PRR11: variants seen among roughly 807,000 people sequenced by gnomAD.
The protein encoded by PRR11 is proline-rich protein 11.
A neutral mutation model predicts 45.6 loss-of-function variants in PRR11; 30 were observed. The ratio of observed to expected loss-of-function variants is 0.66; its 90% CI spans 0.49 to 0.89. The LOEUF is 0.89. PRR11 is among the 40% of genes least tolerant of loss of function. PRR11 has a pLI of 0.00. For synonymous variants in PRR11, 128 were observed against 153.5 expected (o/e 0.83, Z 1.23); for missense variants, 373 against 424.8 (o/e 0.88, Z 1.07).
chr17:59,172,779 G>A lies in PRR11; in HGVS notation c.128+2899G>A, dbSNP rs145113803. 9.6e-3 allele frequency among the ~76,000 whole-genome samples: 1,466 copies of A among 152,350 alleles called. 18 individuals carry two copies. The highest frequency in any genetic ancestry group is 0.027 in the South Asian group (128 of 4,830). ...CCCCGTGGGGCAGGGCTCGGGACCT[G>A]CAGCCCGCCATGCCTGAGTCTTCCC... is the stretch of plus-strand genomic sequence containing the variant. On this transcript the variant is annotated intron_variant, in intron 2 of 9. Transcript: ENST00000262293.
In PRR11 at chr17:59,179,816, G is replaced by C. The variant is rs964583088; in HGVS notation, c.129-5238G>C. On this transcript the variant is annotated intron_variant, in intron 2 of 9. Transcript: ENST00000262293. ...CTCCGATGACTCCTCAGATTCGTCCGACCACTCCCTCTTCCTTTTCCAGCA... is the reference window on the plus strand; with the variant it reads ...CTCCGATGACTCCTCAGATTCGTCCCACCACTCCCTCTTCCTTTTCCAGCA... The C allele has an allele frequency of 6.4e-5, 86 of 1,352,524 alleles. 1 individual carries two copies. The highest frequency in any genetic ancestry group is 7.8e-5 in the Non-Finnish European group (75 of 965,382). The allele number at this position is 1,352,524 out of a possible 1,614,324, so 83.8% of individuals were successfully genotyped here.
intron 4 of PRR11, among the ~76,000 whole-genome samples, chr17:59,186,261 A>G (rs2046813445): frequency 6.7e-6 from 1 of 150,250 alleles, no homozygotes; most frequent in African/African-American, 2.4e-5. Flanking sequence ...TATTGCACCC[A>G]CCTAGGATGG....
At chr17:59,193,138 T>G (rs1268217371) in intron 4 of PRR11, among the ~76,000 whole-genome samples, 1 of 152,168 alleles carries the variant, frequency 6.6e-6, no homozygotes, top group Non-Finnish European at 1.5e-5. Flanking sequence ...CTCGAACTCC[T>G]GGGCTCAAGC....
chr17:59,176,684 CTTTTTTTTTTTT>C (rs71367676), intron 2 of PRR11, among the ~76,000 whole-genome samples: 7 of 39,004 alleles, frequency 1.8e-4, no homozygotes, highest in Admixed American at 1.3e-3. Context: ...GTTTTTTTGG[CTTTTTTTTTTTT>C]TTTTTTTTTT....
intron 4 of PRR11, among the ~76,000 whole-genome samples, chr17:59,191,649 C>G (rs1000079762): frequency 1.3e-5 from 2 of 152,070 alleles, no homozygotes; most frequent in Non-Finnish European, 2.9e-5. Flanking sequence ...CTCATGGTAC[C>G]CAGTAGGCCT....
chr17:59,178,446 A>G (rs1483786883), intron 2 of PRR11: 4 of 502,500 alleles, frequency 8.0e-6, no homozygotes, highest in Non-Finnish European at 1.6e-5. Flanking sequence ...TGAAGCAGGA[A>G]CACGGTTCCG....
intron 2 of PRR11, among the ~76,000 whole-genome samples, chr17:59,172,237 G>T (rs544760549): frequency 6.6e-6 from 1 of 152,206 alleles, no homozygotes; most frequent in African/African-American, 2.4e-5. Context: ...GGACCTCCAG[G>T]TTCCGCCCCA....
intron 2 of PRR11, among the ~76,000 whole-genome samples, chr17:59,170,984 G>C (rs1312371235): frequency 2.0e-5 from 3 of 152,174 alleles, no homozygotes; most frequent in Non-Finnish European, 2.9e-5. Context: ...ACACGGCCAG[G>C]CGCGGTGGCT....
intron 1 of PRR11, among the ~76,000 whole-genome samples, chr17:59,165,863 C>T (rs1414313458): frequency 6.6e-6 from 1 of 152,032 alleles, no homozygotes; most frequent in African/African-American, 2.4e-5. Flanking sequence ...ATCCCTGCTT[C>T]ACCTTCCTTC....
At chr17:59,196,185 C>T (rs781272228) in intron 7 of PRR11, among the ~76,000 whole-genome samples, 1 of 150,080 alleles carries the variant, frequency 6.7e-6, no homozygotes, top group African/African-American at 2.5e-5. Flanking sequence ...TTGAAGATGT[C>T]AAAATGACAC....
intron 4 of PRR11, among the ~76,000 whole-genome samples, chr17:59,188,880 C>A (rs2046826683): frequency 6.6e-6 from 1 of 151,510 alleles, no homozygotes; most frequent in African/African-American, 2.4e-5. Context: ...ACACAGGTTG[C>A]AGTGAGCTGA....
chr17:59,199,943 G>A (rs1247667456), intron 9 of PRR11, among the ~76,000 whole-genome samples: 18 of 152,150 alleles, frequency 1.2e-4, no homozygotes. Flanking sequence ...CAGGAGCAAA[G>A]GGACGAGGCC....
At chr17:59,174,374 G>A (rs1165484356) in intron 2 of PRR11, among the ~76,000 whole-genome samples, 17 of 152,212 alleles carry the variant, frequency 1.1e-4, no homozygotes. Context: ...GCTCTGTGCT[G>A]AACGTGGTTA....
chr17:59,179,307 T>C (rs2046767487), intron 2 of PRR11, among the ~76,000 whole-genome samples: 1 of 152,170 alleles, frequency 6.6e-6, no homozygotes, highest in Admixed American at 6.5e-5. Context: ...AGTTTTGCTC[T>C]GTCACCCCGG....
rs1032815070 is a variant in PRR11 at position 59,181,653 on chromosome 17, C to T, written c.129-3401C>T. 2.3e-5 allele frequency: 35 copies of T among 1,520,392 alleles called. 1 individual carries two copies. The highest frequency in any genetic ancestry group is 1.2e-4 in the Admixed American group (7 of 58,656). The allele number at this position is 1,520,392 out of a possible 1,614,324, so 94.2% of individuals were successfully genotyped here. ...GCTCAGGGGCGAGCTCCTTCTCTGG[C>T]GCCTCCTCCGATGACTCCTCAGATT... On this transcript the variant is annotated intron_variant, in intron 2 of 9. Transcript: ENST00000262293.
At chr17:59,194,709 A>T in intron 5 of PRR11, 48 bp from the exon 6 acceptor site, 1 of 1,425,656 alleles carries the variant, frequency 7.0e-7, no homozygotes, top group Non-Finnish European at 9.8e-7. Flanking sequence ...GCATTTCACC[A>T]GTTGTGCTGG....
At chr17:59,174,328 A>G (rs1180528103) in intron 2 of PRR11, among the ~76,000 whole-genome samples, 1 of 152,224 alleles carries the variant, frequency 6.6e-6, no homozygotes, top group Non-Finnish European at 1.5e-5. Context: ...CCAGAAGCCT[A>G]ATCCATAATC....
At position 59,185,155 on chromosome 17, in the gene PRR11, C is replaced by CAAATA. The variant is rs1568324362; in HGVS notation, c.231_235dup (p.Arg79LysfsTer15). 1.2e-6 allele frequency: 2 copies of CAAATA among 1,613,904 alleles called. No individual in the cohort carries two copies. ...ATCAGAGATGCAATAAAACTTTGGA[C>CAAATA]AAATAGAGTATGGTCTATATACAGC... On this transcript the variant is annotated frameshift_variant, in exon 3 of 10. Transcript: ENST00000262293. LOFTEE classifies it high-confidence loss of function.
chr17:59,177,379 G>A, intron 2 of PRR11: 1 of 515,690 alleles, frequency 1.9e-6, no homozygotes, highest in Non-Finnish European at 3.9e-6. Context: ...GTGTTGGGGT[G>A]ACTGTGCTCA....
Sources: allele counts gnomAD v4.1 joint callset (sites outside exome capture counted in the v4.1 genomes callset), GRCh38; gene constraint gnomAD v4.1.1; transcripts MANE v1.5; gene names NCBI Gene and HGNC (gene_info 2026-07-23, HGNC 2026-07-21).